RASAL2: variants seen among roughly 807,000 people sequenced by gnomAD.
RASAL2 encodes the protein ras GTPase-activating protein nGAP.
RASAL2 carries 58 observed loss-of-function variants against 128.9 expected under a neutral mutation model. The observed-to-expected ratio is 0.45, with a 90% CI of 0.36 to 0.56. The LOEUF (loss-of-function observed/expected upper bound fraction) is 0.56. Among genes scored for constraint, RASAL2 ranks in the 20% least tolerant of loss-of-function variants. The pLI is 0.00. For synonymous variants in RASAL2, 561 were observed against 580.8 expected (o/e 0.97, Z 0.49); for missense variants, 1,360 against 1,601.6 (o/e 0.85, Z 2.57).
At position 178,318,539 on chromosome 1, in the gene RASAL2, A is replaced by G. The variant is rs1183985652; in HGVS notation, c.457+18421A>G. 8.4e-4 allele frequency among the ~76,000 whole-genome samples: 126 copies of G among 149,740 alleles called. 1 individual carries two copies. Among genetic ancestry groups the G allele is most frequent in the African/African-American group, 2.9e-3 (120 of 41,130 alleles). On this transcript the variant is annotated intron_variant, in intron 3 of 17. Transcript: ENST00000367649. The stretch of plus-strand genomic sequence containing the variant: ...TTCTTGTTGAATTGATCCCTTTACC[A>G]TTATGTAATGGCCTTCTTTGTCTCT...
rs565902597 is a variant in RASAL2, at chr1:178,147,824, C to G, written c.202+53130C>G. ...GTGGCTCACACCTGTAATCCCAGCA[C>G]TTTGGGAGGCCAAGGTGGGTGGATC... On this transcript the variant is annotated intron_variant, in intron 1 of 17. Transcript: ENST00000367649. Among the ~76,000 whole-genome samples the G allele has an allele frequency of 3.3e-5, 5 of 152,200 alleles. No individual in the cohort carries two copies. In the East Asian group the frequency reaches 9.7e-4, roughly 29 times the overall value.
At chr1:178,236,193 T>C (rs1664227531) in intron 1 of RASAL2, among the ~76,000 whole-genome samples, 1 of 152,174 alleles carries the variant, frequency 6.6e-6, no homozygotes, top group Admixed American at 6.6e-5. Context: ...TGGTAGCTAA[T>C]TGTTACATCA....
chr1:178,349,614 A>C (rs1670354198), intron 3 of RASAL2, among the ~76,000 whole-genome samples: 1 of 151,954 alleles, frequency 6.6e-6, no homozygotes, highest in African/African-American at 2.4e-5. Context: ...GTATAAAAAC[A>C]CTAATCTAGT....
intron 1 of RASAL2, among the ~76,000 whole-genome samples, chr1:178,198,165 T>C (rs2101961122): frequency 6.6e-6 from 1 of 152,330 alleles, no homozygotes; most frequent in East Asian, 1.9e-4. Flanking sequence ...AACATACATG[T>C]GCATGTGTCT....
chr1:178,426,512 T>G (rs1351200774), intron 5 of RASAL2, among the ~76,000 whole-genome samples: 2 of 152,132 alleles, frequency 1.3e-5, no homozygotes, highest in African/African-American at 4.8e-5. Flanking sequence ...AGTCACAAAG[T>G]ACCACATATT....
intron 3 of RASAL2, among the ~76,000 whole-genome samples, chr1:178,384,892 A>G (rs920938309): frequency 7.2e-5 from 11 of 152,176 alleles, no homozygotes; most frequent in African/African-American, 2.4e-4. Context: ...TATGTTATTT[A>G]TAATAGTTAA....
chr1:178,171,217 G>T (rs1383634418), intron 1 of RASAL2, among the ~76,000 whole-genome samples: 1 of 151,802 alleles, frequency 6.6e-6, no homozygotes, highest in Non-Finnish European at 1.5e-5. Context: ...GAAACATTAG[G>T]CCTTTTAAAT....
intron 3 of RASAL2, among the ~76,000 whole-genome samples, chr1:178,335,559 C>T (rs1669546709): frequency 6.6e-6 from 1 of 152,170 alleles, no homozygotes; most frequent in African/African-American, 2.4e-5. Context: ...CACACACACA[C>T]TCTCAGACAC....
chr1:178,169,694 A>T (rs1385414634), intron 1 of RASAL2, among the ~76,000 whole-genome samples: 1 of 152,018 alleles, frequency 6.6e-6, no homozygotes, highest in African/African-American at 2.4e-5. Context: ...TATCCTTCAG[A>T]ACCCATATGC....
intron 1 of RASAL2, among the ~76,000 whole-genome samples, chr1:178,132,037 C>T (rs1041375578): frequency 6.6e-6 from 1 of 151,746 alleles, no homozygotes; most frequent in Non-Finnish European, 1.5e-5. Flanking sequence ...CCTCCTTCTT[C>T]CCTTCCCTCT....
intron 1 of RASAL2, among the ~76,000 whole-genome samples, chr1:178,135,861 A>G (rs1660304109): frequency 6.6e-6 from 1 of 152,138 alleles, no homozygotes; most frequent in Non-Finnish European, 1.5e-5. Flanking sequence ...TGATAAAACC[A>G]TCAGGTCTCA....
At chr1:178,288,642 CTTTTTTTTT>C (rs60150701) in intron 2 of RASAL2, among the ~76,000 whole-genome samples, 13 of 97,306 alleles carry the variant, frequency 1.3e-4, no homozygotes, top group African/African-American at 1.1e-4. Context: ...CTTTCTCTCT[CTTTTTTTTT>C]TTTTTTTTTT....
At chr1:178,248,615 A>T (rs606214) in intron 1 of RASAL2, among the ~76,000 whole-genome samples, 152,114 of 152,346 alleles carry the variant, frequency 1, 75,941 homozygotes, top group Middle Eastern at 1. Flanking sequence ...TTTTGCACAT[A>T]AGTTGATGCA....
At chr1:178,206,080 T>C (rs1663035025) in intron 1 of RASAL2, among the ~76,000 whole-genome samples, 1 of 152,152 alleles carries the variant, frequency 6.6e-6, no homozygotes. Context: ...TTCTCTTAAA[T>C]AGAGAATTCT....
intron 11 of RASAL2, 21 bp downstream of exon 11, chr1:178,452,673 C>T: frequency 6.3e-7 from 1 of 1,575,820 alleles, no homozygotes; most frequent in South Asian, 1.1e-5. Context: ...CTGTTGTAAC[C>T]ACTTTAAAAA....
At chr1:178,450,561 C>T (rs1677305177) in intron 9 of RASAL2, among the ~76,000 whole-genome samples, 1 of 152,110 alleles carries the variant, frequency 6.6e-6, no homozygotes. Context: ...GATAGAAATG[C>T]TCTTTCTGCT....
At chr1:178,193,177 A>C (rs1662548102) in intron 1 of RASAL2, among the ~76,000 whole-genome samples, 1 of 152,208 alleles carries the variant, frequency 6.6e-6, no homozygotes, top group Non-Finnish European at 1.5e-5. Flanking sequence ...TTCATGTGAC[A>C]ATTACATCTG....
rs71567191 is a variant in RASAL2 at position 178,358,237 on chromosome 1, TAAAAAAAAAAAA to T, written c.458-31845_458-31834del. Reference sequence around the variant, plus strand: ...CGTGACAGAGTGAGACTCTGTCTCCTAAAAAAAAAAAAAAAAAAAAAAAAAAAAAGGAAAGGA... The same window carrying T: ...CGTGACAGAGTGAGACTCTGTCTCCTAAAAAAAAAAAAAAAAAGGAAAGGA... On this transcript the variant is annotated intron_variant, in intron 3 of 17. Transcript: ENST00000367649. Among the ~76,000 whole-genome samples the T allele has an allele frequency of 1.9e-3, 67 of 34,774 alleles. 2 individuals are homozygous for T. The South Asian group carries it at 0.1, about 53-fold the overall frequency. 22.8% of individuals were successfully genotyped at this position (34,774 alleles called of 152,430 possible).
intron 8 of RASAL2, among the ~76,000 whole-genome samples, chr1:178,443,485 G>A (rs970470979): frequency 1.3e-5 from 2 of 152,142 alleles, no homozygotes; most frequent in Non-Finnish European, 2.9e-5. Flanking sequence ...TTTCTTGTCT[G>A]ACAAAATAAA....
Sources: allele counts gnomAD v4.1 joint callset (sites outside exome capture counted in the v4.1 genomes callset), GRCh38; gene constraint gnomAD v4.1.1; transcripts MANE v1.5; gene names NCBI Gene and HGNC (gene_info 2026-07-23, HGNC 2026-07-21).